ATG2A: variants seen among roughly 807,000 people sequenced by gnomAD.
ATG2A encodes the protein autophagy-related protein 2 homolog A.
A neutral mutation model predicts 214.2 loss-of-function variants in ATG2A; 103 were observed. The ratio of observed to expected loss-of-function variants is 0.48; its 90% CI spans 0.41 to 0.57. The LOEUF (loss-of-function observed/expected upper bound fraction) is 0.57, where lower values mean the gene tolerates loss of function less well. Ranked by LOEUF, ATG2A falls within the 20% of genes least tolerant of loss-of-function variation. The pLI, the probability that ATG2A is intolerant of heterozygous loss-of-function variation, is 0.00. For missense variants in ATG2A, 2,312 were observed against 2,613.2 expected (o/e 0.88, Z 2.51); for synonymous variants, 1,160 against 1,142.1 (o/e 1.02, Z -0.32).
chr11:64,900,843 C>T (rs1352015370), intron 30 of ATG2A, 41 bp downstream of exon 30: 2 of 1,540,536 alleles, frequency 1.3e-6, no homozygotes, highest in South Asian at 2.4e-5. Flanking sequence ...AGCCTGAGCC[C>T]CAACCTTCAC....
intron 37 of ATG2A, 155 bp from the exon 38 acceptor site, chr11:64,897,024 C>CTTT: frequency 5.3e-5 from 47 of 893,018 alleles, no homozygotes; most frequent in East Asian, 8.4e-5. Context: ...GGACTGTGTC[C>CTTT]TTTTTTTTTT....
rs1351276785 is a variant in ATG2A, at chr11:64,897,026, T to C, written c.5151-157A>G. On this transcript the variant is annotated intron_variant, in intron 37 of 40. Transcript: ENST00000377264. The stretch of plus-strand genomic sequence containing the variant: ...GTCATGTGCAGAGGGACTGTGTCCT[T>C]TTTTTTTTTTTTTAGATGGAGTCTT... 8.7e-6 allele frequency: 4 copies of C among 461,634 alleles called. No individual in the cohort carries two copies. In the African/African-American group the frequency reaches 8.9e-5, roughly 10 times the overall value. The allele number at this position is 461,634 out of a possible 1,614,324, so 28.6% of individuals were successfully genotyped here.
At position 64,908,985 on chromosome 11, in the gene ATG2A, T is replaced by C. The variant is rs1392315703; in HGVS notation, c.2364+6A>G. On this transcript the variant is annotated splice_donor_region_variant and intron_variant, in intron 16 of 40. Transcript: ENST00000377264. Reference sequence around the variant, plus strand: ...GGTCCTGGGAAGAGGTGGGGCCAAGTCTCACCTCCTCTGTCTCATACATGG... The same window carrying C: ...GGTCCTGGGAAGAGGTGGGGCCAAGCCTCACCTCCTCTGTCTCATACATGG... 1 of 1,567,262 alleles carries C rather than the reference T, an allele frequency of 6.4e-7. No homozygotes were observed. Among genetic ancestry groups the C allele is most frequent in the African/African-American group, 1.4e-5 (1 of 74,040 alleles).
chr11:64,898,673 G>C lies in ATG2A; in HGVS notation c.4634C>G (p.Thr1545Arg), dbSNP rs977945889. Residue 1545 changes from threonine to arginine, a missense_variant, in exon 32 of 41, where the codon ACG (threonine) becomes AGG (arginine). Transcript: ENST00000377264. The surrounding 1 kb of genome is among the most constrained non-coding windows in gnomAD (Gnocchi z 4.5). ...SQINKFLYLH[T>R]SERMPRRAHS... ...GGCACGTCGCGGCATCCGCTCACTC[G>C]TGTGTAGGTACAGGAACTTGTTGAT... is the stretch of plus-strand genomic sequence containing the variant. The C allele has an allele frequency of 1.2e-6, 2 of 1,614,070 alleles. No individual in the cohort carries two copies. The highest frequency in any genetic ancestry group is 3.3e-5 in the Admixed American group (2 of 60,032).
At chr11:64,906,273 A>T in intron 21 of ATG2A, 61 bp downstream of exon 21, 2 of 1,607,036 alleles carry the variant, frequency 1.2e-6, no homozygotes, top group Admixed American at 3.3e-5. Flanking sequence ...CTGGGGTCCC[A>T]CCGCACACCG....
At chr11:64,901,597 G>T (rs144455335) in intron 29 of ATG2A, among the ~76,000 whole-genome samples, 10 of 152,234 alleles carry the variant, frequency 6.6e-5, no homozygotes, top group African/African-American at 2.4e-4. Context: ...TGCCAGCCCT[G>T]CCTCCTAAGA....
intron 38 of ATG2A, 52 bp downstream of exon 38, chr11:64,896,696 G>A (rs1050180584): frequency 4.2e-5 from 68 of 1,609,154 alleles, no homozygotes; most frequent in Non-Finnish European, 5.4e-5. Context: ...GCAGCTTCTA[G>A]GTTGCCCAAG....
chr11:64,909,820 C>T lies in ATG2A; in HGVS notation c.1968G>A (p.Pro656=). The T allele has an allele frequency of 6.2e-7, 1 of 1,611,306 alleles. No homozygotes were observed. The highest frequency in any genetic ancestry group is 8.5e-7 in the Non-Finnish European group (1 of 1,179,412). Residue 656 remains proline, a synonymous_variant, in exon 14 of 41, where the codon CCG becomes CCA. Coordinates refer to ENST00000377264, the MANE Select transcript of ATG2A (RefSeq NM_015104.3). ...GCACGGCCTGGCCCGCCCAGGGGTC[C>T]GGCTCAGGCCGCAGGTCGGCAATGG... The part of the protein sequence containing the change: ...RFPIADLRPE[P]DPWAGQAVRA...
chr11:64,900,756 G>C, intron 30 of ATG2A, 127 bp from the exon 31 acceptor site: 1 of 1,442,366 alleles, frequency 6.9e-7, no homozygotes. Context: ...GCGGGATAAG[G>C]AAGGATGAGG....
At chr11:64,912,574 T>G in intron 6 of ATG2A, 151 bp from the exon 7 acceptor site, 1 of 627,794 alleles carries the variant, frequency 1.6e-6, no homozygotes, top group Non-Finnish European at 2.7e-6. Flanking sequence ...GGCCACAACT[T>G]GACCTCTCAG....
At position 64,910,641 on chromosome 11, in the gene ATG2A, G is replaced by A; in HGVS notation, c.1682C>T (p.Thr561Ile). 1 of 1,607,310 alleles carries A rather than the reference G, an allele frequency of 6.2e-7. No homozygotes were observed. Among genetic ancestry groups the A allele is most frequent in the African/African-American group, 1.3e-5 (1 of 74,908 alleles). ...CTTAGGCACACGGCGCAGGATCTGT[G>A]TGTGGCGCAGATGGGCGCAGGGCCG... ...SARPCAHLRH[T>I]QILRRVPKSR... Residue 561 changes from threonine (T) to isoleucine (I), a missense_variant, in exon 12 of 41, where the codon ACA (threonine) becomes ATA (isoleucine). Physicochemically the swap from Thr to Ile is moderately conservative, Grantham distance 89. Transcript: ENST00000377264.
intron 29 of ATG2A, 122 bp downstream of exon 29, chr11:64,901,840 T>C: frequency 8.5e-7 from 1 of 1,173,198 alleles, no homozygotes; most frequent in Non-Finnish European, 1.2e-6. Context: ...GGCAACCACC[T>C]CCTGCCTGCT....
Position 64,895,284 on chromosome 11 carries a change from G to T in ATG2A, c.5580+6C>A. ...GGGGACTGGGGCAGGGCGGGGGCCT[G>T]GTCACCTCTCGCACTGTGTCGTAGG... On this transcript the variant is annotated splice_donor_region_variant and intron_variant, in intron 40 of 40. Transcript: ENST00000377264. This position sits in a 1 kb window ranked among gnomAD's most constrained non-coding sequence, Gnocchi z 5.0. 1 of 1,613,264 alleles carries T rather than the reference G, an allele frequency of 6.2e-7. No homozygotes were observed. Among genetic ancestry groups the T allele is most frequent in the Non-Finnish European group, 8.5e-7 (1 of 1,179,890 alleles).
At chr11:64,915,795 G>A (rs542914564) in intron 1 of ATG2A, among the ~76,000 whole-genome samples, 1 of 152,192 alleles carries the variant, frequency 6.6e-6, no homozygotes, top group Non-Finnish European at 1.5e-5. Flanking sequence ...GCAACATAGC[G>A]AAATCCTGTC....
At chr11:64,916,297 C>CGGG (rs773248950) in intron 1 of ATG2A, among the ~76,000 whole-genome samples, 9 of 152,092 alleles carry the variant, frequency 5.9e-5, no homozygotes, top group African/African-American at 2.2e-4. Context: ...GACACTGAGC[C>CGGG]GGGGGGGTCG....
rs547056638 is a variant in ATG2A, at chr11:64,916,864, C to T, written c.171+101G>A. ...GGGCAAGATTCCCCTGGCCTCTCTACGCCCGGTGCCTGATCCCCCAGCCCG... is the reference window on the plus strand; with the variant it reads ...GGGCAAGATTCCCCTGGCCTCTCTATGCCCGGTGCCTGATCCCCCAGCCCG... On this transcript the variant is annotated intron_variant, in intron 1 of 40. Coordinates refer to ENST00000377264, the MANE Select transcript of ATG2A (RefSeq NM_015104.3). 65 of 1,506,596 alleles carry T rather than the reference C, an allele frequency of 4.3e-5. No individual in the cohort carries two copies. The East Asian group carries it at 1.4e-3, about 33-fold the overall frequency. 93.3% of individuals were successfully genotyped at this position (1,506,596 alleles called of 1,614,324 possible).
At chr11:64,905,511 C>A in intron 24 of ATG2A, 52 bp downstream of exon 24, 1 of 1,535,228 alleles carries the variant, frequency 6.5e-7, no homozygotes, top group Non-Finnish European at 8.9e-7. Flanking sequence ...AGCTGGCAGG[C>A]AGCTTCGGCC....
Position 64,903,194 on chromosome 11 carries a change from A to G in ATG2A, c.3612+94T>C. ...AAGGGCAGGCATGAACTGTGTCCGGAGCCCAGGCACGTGAGGGAGCAGCAG... is the reference window on the plus strand; with the variant it reads ...AAGGGCAGGCATGAACTGTGTCCGGGGCCCAGGCACGTGAGGGAGCAGCAG... On this transcript the variant is annotated intron_variant, in intron 26 of 40. Transcript: ENST00000377264. This position sits in a 1 kb window ranked among gnomAD's most constrained non-coding sequence, Gnocchi z 4.2. The G allele has an allele frequency of 8.3e-7, 1 of 1,202,684 alleles. No homozygotes were observed. The highest frequency in any genetic ancestry group is 1.3e-5 in the South Asian group (1 of 79,644). The allele number at this position is 1,202,684 out of a possible 1,614,324, so 74.5% of individuals were successfully genotyped here. A position where few individuals can be genotyped will look rare whatever the true frequency, so the allele number is the denominator to read the frequency against.
Position 64,913,564 on chromosome 11 carries a change from C to T in ATG2A, c.591-163G>A. ...AACCACCATGTCCAGCCCGGAGGCT[C>T]AGGCCAGCCCTTGCTCCTCAGACCC... is the stretch of plus-strand genomic sequence containing the variant. On this transcript the variant is annotated intron_variant, in intron 4 of 40. Coordinates refer to ENST00000377264, the MANE Select transcript of ATG2A (RefSeq NM_015104.3). The surrounding 1 kb of genome is among the most constrained non-coding windows in gnomAD (Gnocchi z 4.3). The T allele has an allele frequency of 4.9e-6, 5 of 1,014,198 alleles. No homozygotes were observed. The South Asian group carries it at 8.5e-5, about 17-fold the overall frequency. 62.8% of individuals were successfully genotyped at this position (1,014,198 alleles called of 1,614,324 possible). A position where few individuals can be genotyped will look rare whatever the true frequency, so the allele number is the denominator to read the frequency against.
Sources: gnomAD v4.1 joint callset for allele counts (sites outside exome capture counted in the v4.1 genomes callset) on GRCh38, gnomAD v4.1.1 for gene constraint, Gnocchi (gnomAD v3.1) non-coding constraint, MANE v1.5 for transcripts, NCBI Gene and HGNC (gene_info 2026-07-23, HGNC 2026-07-21) for gene names.